Variants in RBM46 observed in about 807,000 individuals in gnomAD.
The protein encoded by RBM46 is probable RNA-binding protein 46.
RBM46 carries 12 observed loss-of-function variants against 43.3 expected under a neutral mutation model. The observed-to-expected ratio is 0.28, with a 90% CI of 0.18 to 0.45. The LOEUF is 0.45. Among genes scored for constraint, RBM46 ranks in the 20% least tolerant of loss-of-function variants. The pLI is 1.00. For synonymous variants in RBM46, 205 were observed against 207.6 expected (o/e 0.99, Z 0.11); for missense variants, 412 against 639.1 (o/e 0.64, Z 3.83).
At chr4:154,819,220 C>G (rs1735609477) in intron 4 of RBM46, among the ~76,000 whole-genome samples, 1 of 152,198 alleles carries the variant, frequency 6.6e-6, no homozygotes, top group Non-Finnish European at 1.5e-5. Flanking sequence ...GACTGACAAA[C>G]CCAGATTGCT....
At chr4:154,791,343 AGG>A (rs1734081711) in intron 1 of RBM46, among the ~76,000 whole-genome samples, 1 of 152,188 alleles carries the variant, frequency 6.6e-6, no homozygotes, top group Non-Finnish European at 1.5e-5. Context: ...ATGCCAGTTT[AGG>A]AAGTGTCTGG....
chr4:154,783,794 A>C (rs190950231), intron 1 of RBM46, among the ~76,000 whole-genome samples: 1 of 152,332 alleles, frequency 6.6e-6, no homozygotes, highest in East Asian at 1.9e-4. Flanking sequence ...AACTTCTAGC[A>C]ATAAAATGTG....
At chr4:154,813,409 G>A (rs1735279552) in intron 4 of RBM46, among the ~76,000 whole-genome samples, 1 of 152,006 alleles carries the variant, frequency 6.6e-6, no homozygotes, top group Non-Finnish European at 1.5e-5. Flanking sequence ...TATTGGATAT[G>A]TGTATATTAT....
chr4:154,816,012 C>CT (rs1326473030), intron 4 of RBM46, among the ~76,000 whole-genome samples: 1 of 152,010 alleles, frequency 6.6e-6, no homozygotes, highest in East Asian at 1.9e-4. Context: ...GCAGTGCCAC[C>CT]TTAATGTAAA....
chr4:154,781,700 G>C (rs953486169), intron 1 of RBM46: 1 of 152,468 alleles, frequency 6.6e-6, no homozygotes, highest in Non-Finnish European at 1.5e-5. Context: ...AGTCTCTTTG[G>C]GGCGTCTGGC....
chr4:154,814,843 C>CT (rs75441335), intron 4 of RBM46, among the ~76,000 whole-genome samples: 16 of 151,386 alleles, frequency 1.1e-4, no homozygotes, highest in South Asian at 4.2e-4. Context: ...CCCTCCCCCC[C>CT]TTTTTTTTAA....
intron 1 of RBM46, among the ~76,000 whole-genome samples, chr4:154,786,422 A>C (rs1423669163): frequency 1.3e-5 from 2 of 152,148 alleles, no homozygotes; most frequent in African/African-American, 4.8e-5. Flanking sequence ...TGATTACAAA[A>C]AATAACATTT....
At chr4:154,811,890 A>G (rs1023236624) in intron 4 of RBM46, among the ~76,000 whole-genome samples, 1 of 152,042 alleles carries the variant, frequency 6.6e-6, no homozygotes, top group Non-Finnish European at 1.5e-5. Flanking sequence ...TGTGTTGGCC[A>G]GGCTGGTCAC....
chr4:154,827,900 C>A lies in RBM46; in HGVS notation c.1435C>A (p.Leu479Ile). 3.1e-6 allele frequency: 5 copies of A among 1,613,894 alleles called. No homozygotes were observed. The highest frequency in any genetic ancestry group is 4.2e-6 in the Non-Finnish European group (5 of 1,179,836). The change falls in exon 5 of 5, where the codon CTT (leucine) becomes ATT (isoleucine). Residue 479 changes from leucine (L) to isoleucine (I), a missense_variant. This residue lies in a region of RBM46 where 149 missense variants were observed against 156.3 expected (regional missense o/e 0.95). Coordinates refer to ENST00000281722, the MANE Select transcript of RBM46 (RefSeq NM_144979.5). The part of the protein sequence containing the change: ...YNFHRSSINS[L>I]SPVSATLSSG... The stretch of plus-strand genomic sequence containing the variant: ...TTTCCATCGCAGCTCAATAAATAGT[C>A]TTTCCCCTGTTAGTGCTACCCTCTC...
At chr4:154,794,783 T>C (rs1734269489) in intron 1 of RBM46, among the ~76,000 whole-genome samples, 1 of 152,164 alleles carries the variant, frequency 6.6e-6, no homozygotes, top group African/African-American at 2.4e-5. Flanking sequence ...TGCACTAGCT[T>C]TCCTGTTTAA....
chr4:154,827,710 A>C (rs1017413104), intron 4 of RBM46, 158 bp from the exon 5 acceptor site: 3 of 1,452,200 alleles, frequency 2.1e-6, no homozygotes, highest in Middle Eastern at 2.5e-4. Flanking sequence ...AGTGCAGTGA[A>C]TGCTGAAATA....
At chr4:154,802,217 G>T (rs1734670844) in intron 4 of RBM46, among the ~76,000 whole-genome samples, 1 of 152,120 alleles carries the variant, frequency 6.6e-6, no homozygotes. Flanking sequence ...TTGAGTTAGA[G>T]GCAGGAAAAT....
chr4:154,801,810 A>T (rs1379526639), intron 4 of RBM46, among the ~76,000 whole-genome samples: 1 of 152,212 alleles, frequency 6.6e-6, no homozygotes, highest in African/African-American at 2.4e-5. Flanking sequence ...AGTTAACTAT[A>T]TAGCATAGTT....
At chr4:154,793,839 T>G (rs1259436464) in intron 1 of RBM46, among the ~76,000 whole-genome samples, 6 of 152,216 alleles carry the variant, frequency 3.9e-5, no homozygotes, top group Admixed American at 2.0e-4. Flanking sequence ...CACGGTCGAT[T>G]CCATTTCTTA....
At chr4:154,805,516 C>T (rs1172147500) in intron 4 of RBM46, among the ~76,000 whole-genome samples, 7 of 151,734 alleles carry the variant, frequency 4.6e-5, no homozygotes, top group South Asian at 2.1e-4. Context: ...GCATGATAGT[C>T]GCTGTTAGCT....
At chr4:154,822,072 TTTTA>T (rs1340949151) in intron 4 of RBM46, among the ~76,000 whole-genome samples, 16 of 151,836 alleles carry the variant, frequency 1.1e-4, no homozygotes, top group Admixed American at 3.9e-4. Flanking sequence ...TTTTATTTGT[TTTTA>T]TTTAATATGT....
intron 4 of RBM46, 68 bp from the exon 5 acceptor site, chr4:154,827,800 T>A: frequency 6.2e-7 from 1 of 1,601,224 alleles, no homozygotes; most frequent in Middle Eastern, 1.7e-4. Context: ...GTTTAATGCT[T>A]TGTCTCTTTA....
chr4:154,783,867 T>G (rs1371080057), intron 1 of RBM46, among the ~76,000 whole-genome samples: 2 of 152,244 alleles, frequency 1.3e-5, no homozygotes, highest in Non-Finnish European at 2.9e-5. Context: ...TACACTTATT[T>G]CGAAATAATT....
chr4:154,813,548 A>C (rs1735286428), intron 4 of RBM46, among the ~76,000 whole-genome samples: 1 of 152,094 alleles, frequency 6.6e-6, no homozygotes, highest in Non-Finnish European at 1.5e-5. Flanking sequence ...TTTATGTGCA[A>C]TTTTTAAATT....
Sources: gnomAD v4.1 joint callset for allele counts (sites outside exome capture counted in the v4.1 genomes callset) on GRCh38, gnomAD v4.1.1 for gene constraint, gnomAD v4.1.1 regional missense constraint, MANE v1.5 for transcripts, NCBI Gene and HGNC (gene_info 2026-07-23, HGNC 2026-07-21) for gene names.